The following PTPRK variants were observed in gnomAD, a reference collection of about 807,000 sequenced individuals.
PTPRK encodes protein tyrosine phosphatase receptor type K.
In PTPRK, 75 loss-of-function variants were observed where a neutral mutation model predicts 178.0. The observed-to-expected ratio is 0.42, with a 90% CI of 0.35 to 0.51. The LOEUF is 0.51. Among genes scored for constraint, PTPRK ranks in the 20% least tolerant of loss-of-function variants. The pLI is 0.02. For missense variants in PTPRK, 1,441 were observed against 1,797.8 expected (o/e 0.80, Z 3.59); for synonymous variants, 637 against 620.6 (o/e 1.03, Z -0.39).
chr6:128,311,588 A>AT (rs1170152440), intron 3 of PTPRK, among the ~76,000 whole-genome samples: 1 of 152,106 alleles, frequency 6.6e-6, no homozygotes, highest in Non-Finnish European at 1.5e-5. Context: ...TGAGACTGCT[A>AT]TCTATGCCTT....
At chr6:128,112,398 T>C (rs1450567096) in intron 7 of PTPRK, among the ~76,000 whole-genome samples, 3 of 151,974 alleles carry the variant, frequency 2.0e-5, no homozygotes, top group Admixed American at 6.6e-5. Flanking sequence ...AAAAGAAAAA[T>C]AAGGTATTGA....
chr6:128,160,766 G>T (rs1434612027), intron 7 of PTPRK, among the ~76,000 whole-genome samples: 2 of 151,328 alleles, frequency 1.3e-5, no homozygotes, highest in Admixed American at 1.3e-4. Flanking sequence ...TTAATAATAT[G>T]TATTTTAATA....
At chr6:128,085,557 C>T (rs1785632371) in intron 8 of PTPRK, among the ~76,000 whole-genome samples, 1 of 152,096 alleles carries the variant, frequency 6.6e-6, no homozygotes, top group Non-Finnish European at 1.5e-5. Flanking sequence ...CTATGTTTAC[C>T]TAACACAATT....
At chr6:128,275,383 T>A (rs960249674) in intron 3 of PTPRK, among the ~76,000 whole-genome samples, 1 of 152,064 alleles carries the variant, frequency 6.6e-6, no homozygotes, top group Non-Finnish European at 1.5e-5. Context: ...TTGGCTCTGT[T>A]TTTGTTTATT....
At chr6:128,510,862 T>TAC (rs1857073642) in intron 1 of PTPRK, among the ~76,000 whole-genome samples, 1 of 151,806 alleles carries the variant, frequency 6.6e-6, no homozygotes, top group Admixed American at 6.6e-5. Context: ...AGGAAAATGA[T>TAC]ATATATATAG....
chr6:128,468,567 G>A (rs1353240835), intron 1 of PTPRK, among the ~76,000 whole-genome samples: 1 of 151,980 alleles, frequency 6.6e-6, no homozygotes, highest in African/African-American at 2.4e-5. Flanking sequence ...GATATAAATT[G>A]TCATGAGTAG....
rs147921430 is a variant in PTPRK, at chr6:128,002,170, T to A, written c.2494+2914A>T. Among the ~76,000 whole-genome samples, 287 of 151,664 alleles carry A rather than the reference T, an allele frequency of 1.9e-3. 1 individual carries two copies. Among genetic ancestry groups the A allele is most frequent in the African/African-American group, 6.6e-3 (272 of 41,488 alleles). ...AATATTTATTTTAGTAAATAAGAGG[T>A]ATATTTTACATAACTGAGTTAGTTG... On this transcript the variant is annotated intron_variant, in intron 15 of 29. Transcript: ENST00000368226.
chr6:128,200,351 G>T (rs1805683389), intron 6 of PTPRK, among the ~76,000 whole-genome samples: 1 of 152,076 alleles, frequency 6.6e-6, no homozygotes, highest in Non-Finnish European at 1.5e-5. Flanking sequence ...CTCATGATTT[G>T]ACTTTTATCA....
intron 1 of PTPRK, among the ~76,000 whole-genome samples, chr6:128,491,000 A>T (rs550687469): frequency 6.6e-6 from 1 of 152,310 alleles, no homozygotes; most frequent in South Asian, 2.1e-4. Flanking sequence ...ACCTCCAAAT[A>T]CAATCACATT....
intron 7 of PTPRK, among the ~76,000 whole-genome samples, chr6:128,115,376 T>G (rs1562610621): frequency 6.6e-6 from 1 of 151,846 alleles, no homozygotes; most frequent in Non-Finnish European, 1.5e-5. Flanking sequence ...TGCTCACCCT[T>G]TCTCCACTTT....
At chr6:128,088,776 C>T (rs779838153) in intron 8 of PTPRK, among the ~76,000 whole-genome samples, 3 of 151,952 alleles carry the variant, frequency 2.0e-5, no homozygotes, top group Non-Finnish European at 2.9e-5. Context: ...AGAAGTAACA[C>T]ACAGAAATTA....
At chr6:128,504,691 C>T (rs960853696) in intron 1 of PTPRK, among the ~76,000 whole-genome samples, 4 of 152,152 alleles carry the variant, frequency 2.6e-5, no homozygotes, top group African/African-American at 7.2e-5. Context: ...AATATCTGCG[C>T]TCACCTTTCC....
chr6:128,181,874 T>A (rs925198962), intron 7 of PTPRK, among the ~76,000 whole-genome samples: 1 of 152,162 alleles, frequency 6.6e-6, no homozygotes, highest in African/African-American at 2.4e-5. Flanking sequence ...TTTCTTTTTA[T>A]AGACTGTTTA....
intron 7 of PTPRK, among the ~76,000 whole-genome samples, chr6:128,173,875 C>T (rs1488876883): frequency 2.0e-5 from 3 of 151,938 alleles, no homozygotes; most frequent in Admixed American, 6.6e-5. Context: ...TTAGAGAAAT[C>T]TTTAGAAAAC....
At chr6:128,036,995 G>A (rs1776340017) in intron 13 of PTPRK, among the ~76,000 whole-genome samples, 1 of 152,126 alleles carries the variant, frequency 6.6e-6, no homozygotes, top group South Asian at 2.1e-4. Context: ...GCCTCCCAAA[G>A]TACTGGGATT....
intron 11 of PTPRK, among the ~76,000 whole-genome samples, chr6:128,071,403 A>G (rs1369519491): frequency 6.6e-6 from 1 of 151,964 alleles, no homozygotes; most frequent in African/African-American, 2.4e-5. Flanking sequence ...ACCCAAACGA[A>G]ACTGAAATTG....
chr6:128,481,925 C>T (rs1852138317), intron 1 of PTPRK, among the ~76,000 whole-genome samples: 2 of 152,052 alleles, frequency 1.3e-5, no homozygotes, highest in South Asian at 4.1e-4. Context: ...AAGGGGGGTT[C>T]TAAAATGAAC....
At chr6:128,152,470 A>C (rs1423456644) in intron 7 of PTPRK, among the ~76,000 whole-genome samples, 1 of 151,940 alleles carries the variant, frequency 6.6e-6, no homozygotes, top group Non-Finnish European at 1.5e-5. Flanking sequence ...CTGGTGAAAT[A>C]GTCCAAGAAC....
intron 7 of PTPRK, among the ~76,000 whole-genome samples, chr6:128,151,816 A>T (rs993388450): frequency 4.6e-5 from 7 of 152,068 alleles, no homozygotes; most frequent in African/African-American, 1.7e-4. Context: ...AATACTATAG[A>T]GGCAAGAATG....
Sources: allele counts gnomAD v4.1 joint callset (sites outside exome capture counted in the v4.1 genomes callset), GRCh38; gene constraint gnomAD v4.1.1; transcripts MANE v1.5; gene names NCBI Gene and HGNC (gene_info 2026-07-23, HGNC 2026-07-21).